Variants in BNC2 observed in about 807,000 individuals in gnomAD.
BNC2 encodes the protein zinc finger protein basonuclin-2.
A neutral mutation model predicts 76.3 loss-of-function variants in BNC2; 20 were observed. That is an observed-to-expected ratio of 0.26 (90% CI 0.18 to 0.38). BNC2 has a LOEUF of 0.38. Ranked by LOEUF, BNC2 falls within the 10% of genes least tolerant of loss-of-function variation. The probability of loss-of-function intolerance (pLI) is 1.00; values close to 1 mark genes in which losing one functional copy is unlikely to be tolerated. For missense variants in BNC2, 1,382 were observed against 1,399.8 expected, an observed-to-expected ratio of 0.99 and a Z score of 0.20; for synonymous variants, 582 against 514.8, an observed-to-expected ratio of 1.13 and a Z score of -1.77.
In BNC2 at chr9:16,568,425, T is replaced by C. The variant is rs916862683; in HGVS notation, c.433+14558A>G. On this transcript the variant is annotated intron_variant, in intron 4 of 6. Transcript: ENST00000380672. ...AATTTATGAGGGTGGTGGCTCTTCA[T>C]TTTTGCTAATACGACCAATAATTTT... is the stretch of plus-strand genomic sequence containing the variant. Among the ~76,000 whole-genome samples the C allele has an allele frequency of 7.9e-5, 12 of 152,152 alleles. No homozygotes were observed. In the South Asian group the frequency reaches 1.7e-3, roughly 21 times the overall value.
At chr9:16,485,717 G>A (rs1022886860) in intron 5 of BNC2, among the ~76,000 whole-genome samples, 14 of 152,132 alleles carry the variant, frequency 9.2e-5, no homozygotes, top group African/African-American at 3.4e-4. Flanking sequence ...AGCTGCGTGG[G>A]AGGACTGCTT....
chr9:16,686,287 A>C (rs544369985), intron 3 of BNC2, among the ~76,000 whole-genome samples: 1 of 152,166 alleles, frequency 6.6e-6, no homozygotes, highest in Non-Finnish European at 1.5e-5. Flanking sequence ...CTATATCTAA[A>C]ATTCTAAACT....
intron 1 of BNC2, among the ~76,000 whole-genome samples, chr9:16,809,258 G>T (rs529643276): frequency 2.6e-5 from 4 of 151,926 alleles, no homozygotes; most frequent in African/African-American, 9.7e-5. Flanking sequence ...GCCCCCTCCT[G>T]GATCACTCTC....
intron 6 of BNC2, among the ~76,000 whole-genome samples, chr9:16,428,015 A>C (rs1820833793): frequency 6.6e-6 from 1 of 152,210 alleles, no homozygotes; most frequent in Non-Finnish European, 1.5e-5. Flanking sequence ...ACAACCATTC[A>C]CCATTGAAGT....
At chr9:16,779,059 G>A (rs1369014766) in intron 1 of BNC2, among the ~76,000 whole-genome samples, 4 of 147,132 alleles carry the variant, frequency 2.7e-5, no homozygotes, top group Admixed American at 6.9e-5. Flanking sequence ...ATGGTTGATT[G>A]CTTGCGGTCA....
intron 1 of BNC2, among the ~76,000 whole-genome samples, chr9:16,772,336 T>C (rs1825853607): frequency 6.6e-6 from 1 of 152,120 alleles, no homozygotes; most frequent in Non-Finnish European, 1.5e-5. Flanking sequence ...GTGTCATGAG[T>C]GTTTTTTTTT....
chr9:16,487,196 AG>A (rs1177586564), intron 5 of BNC2, among the ~76,000 whole-genome samples: 1 of 152,156 alleles, frequency 6.6e-6, no homozygotes, highest in East Asian at 1.9e-4. Flanking sequence ...CACAGTCTTG[AG>A]GGGGTCAAAC....
At chr9:16,754,504 C>T (rs1177120314) in intron 1 of BNC2, among the ~76,000 whole-genome samples, 1 of 152,106 alleles carries the variant, frequency 6.6e-6, no homozygotes, top group South Asian at 2.1e-4. Context: ...GTCTTTCCCC[C>T]ACCCCATATT....
intron 1 of BNC2, among the ~76,000 whole-genome samples, chr9:16,767,548 A>G (rs1563933764): frequency 1.5e-5 from 1 of 67,300 alleles, no homozygotes; most frequent in Non-Finnish European, 5.3e-5. Flanking sequence ...GTCAGCCTGT[A>G]TACAGAGTTG....
chr9:16,440,814 T>C (rs1383781365), intron 5 of BNC2, among the ~76,000 whole-genome samples: 2 of 152,214 alleles, frequency 1.3e-5, no homozygotes, highest in Admixed American at 6.5e-5. Flanking sequence ...CACTTGCTTC[T>C]GGTGAAAGAG....
At chr9:16,706,418 G>C (rs139294799) in intron 3 of BNC2, among the ~76,000 whole-genome samples, 53 of 152,322 alleles carry the variant, frequency 3.5e-4, no homozygotes, top group African/African-American at 1.2e-3. Flanking sequence ...CAGGTGAGCT[G>C]TGATTATCCC....
chr9:16,788,846 C>T (rs552583023), intron 1 of BNC2, among the ~76,000 whole-genome samples: 13 of 152,086 alleles, frequency 8.5e-5, no homozygotes, highest in Admixed American at 2.0e-4. Flanking sequence ...ATATGCAGGG[C>T]CTCCTCTTTC....
chr9:16,658,536 A>AT (rs916803303), intron 3 of BNC2, among the ~76,000 whole-genome samples: 1 of 151,916 alleles, frequency 6.6e-6, no homozygotes, highest in African/African-American at 2.4e-5. Flanking sequence ...ATTCCTTAAT[A>AT]TTTTTTTTCC....
At chr9:16,831,730 C>T (rs1375405251) in intron 1 of BNC2, among the ~76,000 whole-genome samples, 2 of 152,146 alleles carry the variant, frequency 1.3e-5, no homozygotes, top group Non-Finnish European at 2.9e-5. Flanking sequence ...CCTTAATCTA[C>T]TGTGTGTTTT....
chr9:16,792,666 T>C (rs1422568876), intron 1 of BNC2, among the ~76,000 whole-genome samples: 1 of 152,198 alleles, frequency 6.6e-6, no homozygotes, highest in Non-Finnish European at 1.5e-5. Flanking sequence ...GGGAACCAAC[T>C]AAGAAATAAA....
intron 1 of BNC2, among the ~76,000 whole-genome samples, chr9:16,751,422 A>C (rs1825191351): frequency 6.6e-6 from 1 of 151,912 alleles, no homozygotes; most frequent in South Asian, 2.1e-4. Context: ...TCAGCAATGA[A>C]CTCTCTCAAG....
chr9:16,749,255 C>T (rs1046037279), intron 1 of BNC2, among the ~76,000 whole-genome samples: 1 of 152,156 alleles, frequency 6.6e-6, no homozygotes, highest in Non-Finnish European at 1.5e-5. Flanking sequence ...TAAATAAGCA[C>T]TCTCTTACAA....
At chr9:16,507,758 C>G (rs1436092973) in intron 5 of BNC2, among the ~76,000 whole-genome samples, 2 of 152,118 alleles carry the variant, frequency 1.3e-5, no homozygotes, top group African/African-American at 2.4e-5. Context: ...CATTCAACAA[C>G]TTGCTCATAT....
chr9:16,870,591 G>T (rs1467817274), intron 1 of BNC2, 55 bp downstream of exon 1: 1 of 1,600,214 alleles, frequency 6.2e-7, no homozygotes, highest in Non-Finnish European at 8.5e-7. Flanking sequence ...CGGGCGCGGG[G>T]GTCATTTCTG....
Sources: gnomAD v4.1 joint callset for allele counts (sites outside exome capture counted in the v4.1 genomes callset) on GRCh38, gnomAD v4.1.1 for gene constraint, MANE v1.5 for transcripts, NCBI Gene and HGNC (gene_info 2026-07-23, HGNC 2026-07-21) for gene names.